Variants in SYNJ1 observed in about 807,000 individuals in gnomAD.
SYNJ1 encodes polyphosphatidylinositol phosphatase SYNJ1.
Under a neutral mutation model 168.2 loss-of-function variants are expected in SYNJ1, and 78 were observed. The ratio of observed to expected loss-of-function variants is 0.46; its 90% CI spans 0.39 to 0.56. SYNJ1 has a LOEUF of 0.56. Among genes scored for constraint, SYNJ1 ranks in the 20% least tolerant of loss-of-function variants. The pLI, the probability that SYNJ1 is intolerant of heterozygous loss-of-function variation, is 0.00. For missense variants in SYNJ1, 1,303 were observed against 1,597.6 expected, an observed-to-expected ratio of 0.82 and a Z score of 3.14; for synonymous variants, 539 against 548.6, an observed-to-expected ratio of 0.98 and a Z score of 0.24.
intron 21 of SYNJ1, among the ~76,000 whole-genome samples, chr21:32,655,880 A>C (rs932829237): frequency 3.3e-5 from 5 of 152,224 alleles, no homozygotes; most frequent in African/African-American, 1.2e-4. Flanking sequence ...AGATGGCTAG[A>C]TCAATGAGGG....
Position 32,646,495 on chromosome 21 carries a change from T to C in SYNJ1, c.3145A>G (p.Ser1049Gly), listed in dbSNP as rs1242013706. 6.2e-7 allele frequency: 1 copy of C among 1,614,158 alleles called. No homozygotes were observed. The highest frequency in any genetic ancestry group is 8.5e-7 in the Non-Finnish European group (1 of 1,180,024). Residue 1049 changes from serine to glycine, a missense_variant, in exon 24 of 33, where the codon AGT becomes GGT. Transcript: ENST00000674351. ...GTSPSSSPRT[S>G]PCQSPTISEG... is the part of the protein sequence containing the mutation. ...GATATTGTAGGTGACTGGCAGGGAC[T>C]AGTTCGGGGTGAAGAGCTGGGGGAA...
In SYNJ1 at chr21:32,646,746, G is replaced by C. The variant is rs1446340349; in HGVS notation, c.3038-144C>G. On this transcript the variant is annotated intron_variant, in intron 23 of 32. Coordinates refer to ENST00000674351, the MANE Select transcript of SYNJ1 (RefSeq NM_203446.3). Reference sequence around the variant, plus strand: ...AAACACACATGGATTAAGCATGAAGGCATGTATAAAACCACAATTAGTAGA... The same window carrying C: ...AAACACACATGGATTAAGCATGAAGCCATGTATAAAACCACAATTAGTAGA... 1.3e-5 allele frequency: 8 copies of C among 635,942 alleles called. No homozygotes were observed. In the African/African-American group the frequency reaches 1.3e-4, roughly 10 times the overall value. The allele number at this position is 635,942 out of a possible 1,614,324, so 39.4% of individuals were successfully genotyped here.
chr21:32,709,087 A>G (rs1313543450), intron 2 of SYNJ1, among the ~76,000 whole-genome samples: 2 of 152,258 alleles, frequency 1.3e-5, no homozygotes, highest in East Asian at 1.9e-4. Flanking sequence ...CAGAACAATT[A>G]AAAAGCTAAA....
chr21:32,644,298 G>A (rs2039972170), intron 26 of SYNJ1, among the ~76,000 whole-genome samples: 2 of 152,186 alleles, frequency 1.3e-5, no homozygotes, highest in South Asian at 2.1e-4. Flanking sequence ...CAGTCATTAA[G>A]ATCTACACAC....
intron 18 of SYNJ1, among the ~76,000 whole-genome samples, chr21:32,659,566 T>G (rs2040596480): frequency 6.6e-6 from 1 of 152,176 alleles, no homozygotes; most frequent in African/African-American, 2.4e-5. Flanking sequence ...TGGAAAAGCA[T>G]CATGAAAATC....
chr21:32,667,770 C>T (rs975053479), intron 15 of SYNJ1, among the ~76,000 whole-genome samples: 4 of 152,122 alleles, frequency 2.6e-5, no homozygotes, highest in Non-Finnish European at 5.9e-5. Flanking sequence ...CAACACTTCC[C>T]TGTGTCCCTA....
chr21:32,695,362 ATTAAT>A, intron 4 of SYNJ1, 80 bp from the exon 5 acceptor site: 1 of 1,264,136 alleles, frequency 7.9e-7, no homozygotes, highest in East Asian at 2.5e-5. Context: ...CTCCTGGAAA[ATTAAT>A]TTAATATTAT....
At chr21:32,727,016 G>T in intron 1 of SYNJ1, 99 bp from the exon 2 acceptor site, 1 of 1,488,520 alleles carries the variant, frequency 6.7e-7, no homozygotes, top group Non-Finnish European at 9.0e-7. Context: ...AGGTTTTGAT[G>T]GGGGGTTGGG....
intron 10 of SYNJ1, 81 bp from the exon 11 acceptor site, chr21:32,681,729 A>G: frequency 7.3e-7 from 1 of 1,368,432 alleles, no homozygotes; most frequent in Non-Finnish European, 9.8e-7. Flanking sequence ...CCAGAATCAA[A>G]CCAAAAATTT....
intron 9 of SYNJ1, 27 bp from the exon 10 acceptor site, chr21:32,684,146 G>C (rs1443393776): frequency 6.2e-7 from 1 of 1,603,282 alleles, no homozygotes; most frequent in South Asian, 1.1e-5. Flanking sequence ...TAAATATCCA[G>C]TTTGGAACAA....
intron 15 of SYNJ1, among the ~76,000 whole-genome samples, chr21:32,668,026 T>C (rs1299224322): frequency 2.0e-5 from 3 of 151,000 alleles, no homozygotes; most frequent in Non-Finnish European, 4.4e-5. Context: ...TGTGTGTGTG[T>C]GTGTGTGTGT....
rs557866613 is a variant in SYNJ1 at position 32,633,742 on chromosome 21, T to C, written c.*3+1119A>G. ...AAGGATGTTCACTTGTAAAAGGAAA[T>C]GGATGACTTAAGTGAATAACTTTCA... is the stretch of plus-strand genomic sequence containing the variant. On this transcript the variant is annotated intron_variant, in intron 32 of 32. Transcript: ENST00000674351. 2.6e-5 allele frequency among the ~76,000 whole-genome samples: 4 copies of C among 152,352 alleles called. No homozygotes were observed. In the South Asian group the frequency reaches 8.3e-4, roughly 32 times the overall value.
chr21:32,721,448 G>A (rs2043216956), intron 2 of SYNJ1, among the ~76,000 whole-genome samples: 2 of 152,216 alleles, frequency 1.3e-5, no homozygotes, highest in African/African-American at 4.8e-5. Context: ...GGAAGCTGAG[G>A]TGGGTGGATC....
At chr21:32,703,191 G>C (rs540998395) in intron 2 of SYNJ1, among the ~76,000 whole-genome samples, 2 of 152,308 alleles carry the variant, frequency 1.3e-5, no homozygotes, top group South Asian at 2.1e-4. Context: ...AACTGACTCA[G>C]TCACTCAATT....
rs182336603 is a variant in SYNJ1, at chr21:32,694,735, G to A, written c.705+322C>T. Among the ~76,000 whole-genome samples the A allele has an allele frequency of 5.3e-5, 8 of 152,018 alleles. No homozygotes were observed. The East Asian group carries it at 1.5e-3, about 29-fold the overall frequency. ...TACACATATTTGCCATTAAGAGCTG[G>A]GTTTAATTTCACTTCACAAAAAAAC... On this transcript the variant is annotated intron_variant, in intron 5 of 32. Transcript: ENST00000674351.
rs973658994 is a variant in SYNJ1 at position 32,653,183 on chromosome 21, T to C, written c.2874+105A>G. ...ACTCCTCGAACATACCATAAGGTCTTTTCCCCTCCCATTTAGATAATCTTG... is the reference window on the plus strand; with the variant it reads ...ACTCCTCGAACATACCATAAGGTCTCTTCCCCTCCCATTTAGATAATCTTG... On this transcript the variant is annotated intron_variant, in intron 22 of 32. Transcript: ENST00000674351. The C allele has an allele frequency of 2.5e-5, 22 of 881,104 alleles. No individual in the cohort carries two copies. In the Admixed American group the frequency reaches 4.5e-4, roughly 18 times the overall value. The allele number at this position is 881,104 out of a possible 1,614,324, so 54.6% of individuals were successfully genotyped here.
chr21:32,661,083 A>C (rs2040681485), intron 18 of SYNJ1, among the ~76,000 whole-genome samples: 1 of 152,228 alleles, frequency 6.6e-6, no homozygotes, highest in Non-Finnish European at 1.5e-5. Flanking sequence ...AAGTGGGGCA[A>C]GTAATAAAAG....
At chr21:32,643,315 A>G in intron 27 of SYNJ1, 95 bp downstream of exon 27, 1 of 1,261,536 alleles carries the variant, frequency 7.9e-7, no homozygotes, top group Non-Finnish European at 1.1e-6. Flanking sequence ...GAAAAGATTT[A>G]GTATGCCTGC....
In SYNJ1 at chr21:32,656,796, C is replaced by T; in HGVS notation, c.2686G>A (p.Val896Ile). The T allele has an allele frequency of 6.2e-7, 1 of 1,614,150 alleles. No individual in the cohort carries two copies. Among genetic ancestry groups the T allele is most frequent in the Non-Finnish European group, 8.5e-7 (1 of 1,180,012 alleles). Residue 896 changes from valine (V) to isoleucine (I), a missense_variant, in exon 21 of 33, where the codon GTA (valine) becomes ATA (isoleucine). By Grantham distance (29) the Val-to-Ile change is conservative. This residue lies in a region of SYNJ1 where 920 missense variants were observed against 1,208.8 expected (regional missense o/e 0.76). Coordinates refer to ENST00000674351, the MANE Select transcript of SYNJ1 (RefSeq NM_203446.3). ...AAAGAACTTTTGATTGAGACCAATACTGTACCATCTGGTGGACCCTGAACT... is the reference window on the plus strand; with the variant it reads ...AAAGAACTTTTGATTGAGACCAATATTGTACCATCTGGTGGACCCTGAACT... Reference protein sequence around the residue: ...IAVQGPPDGTVLVSIKSSLPE... With the variant: ...IAVQGPPDGTILVSIKSSLPE...
Sources: allele counts gnomAD v4.1 joint callset (sites outside exome capture counted in the v4.1 genomes callset), GRCh38; gene constraint gnomAD v4.1.1; regional missense constraint gnomAD v4.1.1; transcripts MANE v1.5; gene names NCBI Gene and HGNC (gene_info 2026-07-23, HGNC 2026-07-21).